Variants in SPMAP2L observed in about 807,000 individuals in gnomAD.
SPMAP2L encodes the protein sperm microtubule associated protein 2-like.
At chr4:56,608,830 G>A in the SPMAP2L span, among the ~76,000 whole-genome samples, 2 of 152,166 alleles carry the variant, frequency 1.3e-5, no homozygotes, top group African/African-American at 4.8e-5. Context: ...GCCCAGCAAA[G>A]CCAAGGGGGT....
At chr4:56,531,364 T>C in the SPMAP2L span, among the ~76,000 whole-genome samples, 2 of 152,190 alleles carry the variant, frequency 1.3e-5, no homozygotes, top group African/African-American at 4.8e-5. Context: ...TTCAAGGGAC[T>C]CAGATGGGAA....
chr4:56,584,649 A>C, the SPMAP2L span: 1 of 1,328,624 alleles, frequency 7.5e-7, no homozygotes, highest in South Asian at 1.3e-5. Context: ...TTCCTGATTG[A>C]CTTGTAACAT....
chr4:56,575,512 T>C, the SPMAP2L span: 3 of 1,535,366 alleles, frequency 2.0e-6, no homozygotes, highest in Non-Finnish European at 2.6e-6. Context: ...CAGGGCTCAA[T>C]ACTACCACAG....
the SPMAP2L span, chr4:56,595,689 C>A: frequency 9.1e-7 from 1 of 1,094,510 alleles, no homozygotes; most frequent in Non-Finnish European, 1.4e-6. Flanking sequence ...TTATGAGTTG[C>A]CATTTTCTGA....
At chr4:56,593,634 A>C in the SPMAP2L span, 1 of 1,605,054 alleles carries the variant, frequency 6.2e-7, no homozygotes, top group Non-Finnish European at 8.5e-7. Flanking sequence ...CCACTGGGCT[A>C]TGGGGGACCC....
At chr4:56,603,305 A>C in the SPMAP2L span, 1 of 1,533,958 alleles carries the variant, frequency 6.5e-7, no homozygotes, top group Non-Finnish European at 8.7e-7. Flanking sequence ...GGGAGTTGTC[A>C]CAACCTCTTA....
the SPMAP2L span, chr4:56,595,243 T>C: frequency 6.2e-7 from 1 of 1,612,184 alleles, no homozygotes; most frequent in Middle Eastern, 2.0e-4. Flanking sequence ...GGGTCATGAA[T>C]TTATTTTGGA....
the SPMAP2L span, among the ~76,000 whole-genome samples, chr4:56,576,587 TG>T: frequency 6.6e-6 from 1 of 152,192 alleles, no homozygotes; most frequent in Non-Finnish European, 1.5e-5. Flanking sequence ...TGACTTTACA[TG>T]GATTTTAGAA....
chr4:56,530,979 C>A, the SPMAP2L span: 3 of 1,535,254 alleles, frequency 2.0e-6, no homozygotes, highest in Non-Finnish European at 2.6e-6. Flanking sequence ...ATGCACCTTA[C>A]GAACTCCATG....
chr4:56,557,267 A>AAAAGAAAAG, the SPMAP2L span, among the ~76,000 whole-genome samples: 1,612 of 149,932 alleles, frequency 0.011, 29 homozygotes, highest in African/African-American at 0.039. Context: ...CAAAAAAAAA[A>AAAAGAAAAG]AAAAGAAAAG....
the SPMAP2L span, chr4:56,593,148 A>G: frequency 3.8e-6 from 6 of 1,571,140 alleles, no homozygotes; most frequent in Admixed American, 1.7e-5. Flanking sequence ...TATACTCCAT[A>G]CCAGCCTGAG....
the SPMAP2L span, among the ~76,000 whole-genome samples, chr4:56,535,741 A>C: frequency 4.6e-5 from 7 of 152,102 alleles, no homozygotes; most frequent in African/African-American, 1.7e-4. Context: ...TCCCCGGTTC[A>C]TTATACCTAC....
chr4:56,616,788 A>G, the SPMAP2L span, among the ~76,000 whole-genome samples: 4 of 152,170 alleles, frequency 2.6e-5, no homozygotes, highest in Admixed American at 2.0e-4. Context: ...ATCTTCCTTT[A>G]TTAGCCTTCA....
At chr4:56,593,274 G>T in the SPMAP2L span, 1 of 1,186,426 alleles carries the variant, frequency 8.4e-7, no homozygotes, top group Non-Finnish European at 1.3e-6. Flanking sequence ...CTGCAGAGGC[G>T]CTGCAGCTGT....
the SPMAP2L span, among the ~76,000 whole-genome samples, chr4:56,542,928 G>A: frequency 6.6e-6 from 1 of 151,822 alleles, no homozygotes; most frequent in Non-Finnish European, 1.5e-5. Flanking sequence ...GTAAGACAGG[G>A]TCCCTTTGAA....
the SPMAP2L span, chr4:56,559,373 T>A: frequency 7.5e-6 from 11 of 1,458,014 alleles, no homozygotes; most frequent in Non-Finnish European, 9.9e-6. Flanking sequence ...TACCATTTTA[T>A]CTGTATGCTT....
At chr4:56,593,529 T>C in the SPMAP2L span, 1 of 1,598,870 alleles carries the variant, frequency 6.3e-7, no homozygotes, top group Non-Finnish European at 8.6e-7. Context: ...TGGCCTGCTG[T>C]GTGTGCTACT....
chr4:56,589,422 T>C, the SPMAP2L span, among the ~76,000 whole-genome samples: 1 of 152,214 alleles, frequency 6.6e-6, no homozygotes, highest in African/African-American at 2.4e-5. Flanking sequence ...TCAGGCTCTT[T>C]TTTGGTTCCA....
At chr4:56,553,310 C>T in the SPMAP2L span, among the ~76,000 whole-genome samples, 1 of 150,994 alleles carries the variant, frequency 6.6e-6, no homozygotes, top group South Asian at 2.1e-4. Context: ...CCCACCTCAG[C>T]CTCCTGAGTA....
Sources: gnomAD v4.1 joint callset for allele counts (sites outside exome capture counted in the v4.1 genomes callset) on GRCh38, gnomAD v4.1.1 for gene constraint, MANE v1.5 for transcripts, NCBI Gene and HGNC (gene_info 2026-07-23, HGNC 2026-07-21) for gene names.